FHOD3: variants seen among roughly 807,000 people sequenced by gnomAD.
The protein encoded by FHOD3 is formin homology 2 domain containing 3.
A neutral mutation model predicts 173.0 loss-of-function variants in FHOD3; 90 were observed. That is an observed-to-expected ratio of 0.52 (90% confidence interval 0.44 to 0.62). FHOD3 has a LOEUF of 0.62. Among genes scored for constraint, FHOD3 ranks in the 20% least tolerant of loss-of-function variants. The pLI is 0.00. For synonymous variants in FHOD3, 828 were observed against 823.0 expected (o/e 1.01, Z -0.10); for missense variants, 1,945 against 2,034.7 (o/e 0.96, Z 0.85).
At chr18:36,611,842 T>C in intron 8 of FHOD3, 110 bp from the exon 9 acceptor site, 1 of 1,057,480 alleles carries the variant, frequency 9.5e-7, no homozygotes, top group Non-Finnish European at 1.3e-6. Flanking sequence ...CTGGATTGAT[T>C]AGTGGCCATG....
intron 5 of FHOD3, among the ~76,000 whole-genome samples, chr18:36,562,246 A>G (rs2058113220): frequency 1.3e-5 from 2 of 152,088 alleles, no homozygotes; most frequent in Admixed American, 6.5e-5. Context: ...TGAACTCCTG[A>G]CCTCAGATGA....
At chr18:36,504,870 T>C (rs2146130720) in intron 4 of FHOD3, among the ~76,000 whole-genome samples, 1 of 152,334 alleles carries the variant, frequency 6.6e-6, no homozygotes, top group African/African-American at 2.4e-5. Flanking sequence ...TTTTGAGTCC[T>C]GACATGATGC....
At chr18:36,499,349 C>T (rs2054905677) in intron 3 of FHOD3, among the ~76,000 whole-genome samples, 1 of 152,242 alleles carries the variant, frequency 6.6e-6, no homozygotes, top group East Asian at 1.9e-4. Context: ...AGTGATCCGC[C>T]TGCCTCGGCC....
At position 36,428,815 on chromosome 18, in the gene FHOD3, A is replaced by G. The variant is rs537748672; in HGVS notation, c.337+56071A>G. On this transcript the variant is annotated intron_variant, in intron 3 of 28. Transcript: ENST00000590592. ...GAGGAGGAATTTGATTGGTCCCCTT[A>G]GGTCAGGTGTTCTTCCTGGTCCGGT... Among the ~76,000 whole-genome samples the G allele has an allele frequency of 1.2e-3, 189 of 152,260 alleles. 2 individuals are homozygous for G. The highest frequency in any genetic ancestry group is 4.2e-3 in the African/African-American group (175 of 41,552).
At chr18:36,770,236 G>T (rs144144975) in intron 28 of FHOD3, among the ~76,000 whole-genome samples, 1 of 152,224 alleles carries the variant, frequency 6.6e-6, no homozygotes, top group African/African-American at 2.4e-5. Flanking sequence ...TTGCCTCTGA[G>T]AATAAGGGTT....
At position 36,717,839 on chromosome 18, in the gene FHOD3, G is replaced by C. The variant is rs763395254; in HGVS notation, c.2541G>C (p.Trp847Cys). The change falls in exon 19 of 29, where the codon TGG (tryptophan) becomes TGC (cysteine). Residue 847 changes from tryptophan (W) to cysteine (C), a missense_variant. Trp to Cys is a radical substitution (Grantham distance 215, BLOSUM62 -2). This residue lies in a region of FHOD3 where 1,099 missense variants were observed against 1,051.2 expected (regional missense o/e 1.05). Transcript: ENST00000590592. ...TCTCCCATGTACTTTCAGGTTTGTG[G>C]CCCGCAGGTGTCCAGGATGCAGGTG... ...KLSRDRTTGL[W>C]PAGVQDAGVN... 13 of 1,568,950 alleles carry C rather than the reference G, an allele frequency of 8.3e-6. No homozygotes were observed. In the African/African-American group the frequency reaches 1.5e-4, roughly 18 times the overall value.
Position 36,665,462 on chromosome 18 carries a change from A to G in FHOD3, c.1835+7274A>G, listed in dbSNP as rs1324119335. Among the ~76,000 whole-genome samples the G allele has an allele frequency of 3.9e-5, 6 of 152,290 alleles. No individual in the cohort carries two copies. In the East Asian group the frequency reaches 5.8e-4, roughly 15 times the overall value. On this transcript the variant is annotated intron_variant, in intron 14 of 28. Transcript: ENST00000590592. ...TAGGAGAGCTGAAAAGAGAGAGGCA[A>G]TCAAACTGGGGGCCTAGCACAGGTG...
intron 3 of FHOD3, among the ~76,000 whole-genome samples, chr18:36,488,414 A>AC (rs1211686481): frequency 2.0e-5 from 3 of 152,004 alleles, no homozygotes; most frequent in East Asian, 1.9e-4. Context: ...TTGGAGAGAG[A>AC]CCCCCAGGGC....
At position 36,742,733 on chromosome 18, in the gene FHOD3, A is replaced by G. The variant is rs775217399; in HGVS notation, c.3760-4A>G. The G allele has an allele frequency of 1.6e-5, 25 of 1,598,152 alleles. No homozygotes were observed. The Admixed American group carries it at 4.0e-4, about 26-fold the overall frequency. ...TTATTGTCTAATTTTTTTTTAACTG[A>G]AAGGAAGTAGCAGAACCACTCCTGG... On this transcript the variant is annotated splice_polypyrimidine_tract_variant and splice_region_variant and intron_variant, in intron 21 of 28. Coordinates refer to ENST00000590592, the MANE Select transcript of FHOD3 (RefSeq NM_001281740.3).
intron 3 of FHOD3, among the ~76,000 whole-genome samples, chr18:36,463,031 A>T (rs533406503): frequency 6.6e-6 from 1 of 152,188 alleles, no homozygotes; most frequent in Admixed American, 6.6e-5. Context: ...AGTAATGTCT[A>T]GCAATAAATA....
chr18:36,484,923 C>T (rs1046295561), intron 3 of FHOD3, among the ~76,000 whole-genome samples: 1 of 152,102 alleles, frequency 6.6e-6, no homozygotes, highest in Non-Finnish European at 1.5e-5. Flanking sequence ...TGTTACTGTG[C>T]CCCCCACCCT....
At chr18:36,320,807 A>G (rs527331885) in intron 1 of FHOD3, among the ~76,000 whole-genome samples, 1 of 152,370 alleles carries the variant, frequency 6.6e-6, no homozygotes, top group Non-Finnish European at 1.5e-5. Context: ...TGTTCACTCA[A>G]CACATTTTCA....
chr18:36,449,085 G>T (rs1356107554), intron 3 of FHOD3, among the ~76,000 whole-genome samples: 1 of 151,984 alleles, frequency 6.6e-6, no homozygotes, highest in Admixed American at 6.6e-5. Flanking sequence ...AAAAATACAT[G>T]GTTTTAACCA....
intron 20 of FHOD3, 69 bp from the exon 21 acceptor site, chr18:36,740,587 A>G (rs1298580036): frequency 3.0e-6 from 4 of 1,345,190 alleles, no homozygotes; most frequent in South Asian, 2.7e-5. Flanking sequence ...TATGAATTTT[A>G]TAACATTGAA....
At position 36,315,405 on chromosome 18, in the gene FHOD3, C is replaced by G. The variant is rs149654597; in HGVS notation, c.165+17405C>G. 5.8e-3 allele frequency among the ~76,000 whole-genome samples: 882 copies of G among 152,214 alleles called. 8 individuals carry two copies. The highest frequency in any genetic ancestry group is 0.02 in the African/African-American group (825 of 41,502). On this transcript the variant is annotated intron_variant, in intron 1 of 28. Transcript: ENST00000590592. ...TGGATCCCAGATTTGCTCCCTGTGA[C>G]CAAAGTCTTTCCCCTCTGATATGAC...
chr18:36,481,607 G>A (rs1001896828), intron 3 of FHOD3, among the ~76,000 whole-genome samples: 2 of 152,004 alleles, frequency 1.3e-5, no homozygotes, highest in Non-Finnish European at 1.5e-5. Flanking sequence ...CAGATACCAC[G>A]CAGACATTTT....
intron 10 of FHOD3, among the ~76,000 whole-genome samples, chr18:36,641,966 A>C (rs969513414): frequency 3.3e-5 from 5 of 151,770 alleles, no homozygotes; most frequent in African/African-American, 1.2e-4. Context: ...AAAAAAAAAA[A>C]ATTGTTAAAT....
chr18:36,711,699 C>T (rs1412613623), intron 18 of FHOD3, among the ~76,000 whole-genome samples: 1 of 152,198 alleles, frequency 6.6e-6, no homozygotes. Context: ...CAGAGGAGGA[C>T]TGTGAAAAGT....
chr18:36,637,084 T>G (rs187813222), intron 10 of FHOD3, among the ~76,000 whole-genome samples: 1 of 152,252 alleles, frequency 6.6e-6, no homozygotes. Context: ...TATAAGTAAA[T>G]GAGCAAGCCA....
Sources: allele counts gnomAD v4.1 joint callset (sites outside exome capture counted in the v4.1 genomes callset), GRCh38; gene constraint gnomAD v4.1.1; regional missense constraint gnomAD v4.1.1; transcripts MANE v1.5; gene names NCBI Gene and HGNC (gene_info 2026-07-23, HGNC 2026-07-21).